The following BMPR1B variants were observed in gnomAD, a reference collection of about 807,000 sequenced individuals.
BMPR1B encodes the protein bone morphogenetic protein receptor type-1B.
BMPR1B carries 12 observed loss-of-function variants against 59.1 expected under a neutral mutation model. The observed-to-expected ratio is 0.20, with a 90% CI of 0.13 to 0.33. The LOEUF is 0.33. BMPR1B is among the 10% of genes least tolerant of loss of function. The probability of loss-of-function intolerance (pLI) is 1.00; values close to 1 mark genes in which losing one functional copy is unlikely to be tolerated. For synonymous variants in BMPR1B, 237 were observed against 207.3 expected, an observed-to-expected ratio of 1.14 and a Z score of -1.23; for missense variants, 550 against 610.9, an observed-to-expected ratio of 0.90 and a Z score of 1.05.
intron 3 of BMPR1B, among the ~76,000 whole-genome samples, chr4:95,078,920 G>A (rs1343123098): frequency 6.6e-6 from 1 of 151,986 alleles, no homozygotes; most frequent in Admixed American, 6.6e-5. Context: ...ACCACACCTG[G>A]TTAATTTTTG....
intron 3 of BMPR1B, among the ~76,000 whole-genome samples, chr4:95,100,688 C>A (rs1321242168): frequency 6.6e-6 from 1 of 152,100 alleles, no homozygotes; most frequent in Non-Finnish European, 1.5e-5. Flanking sequence ...GATGTTAAAT[C>A]TGGATTCATG....
chr4:94,833,365 T>C lies in BMPR1B; in HGVS notation c.-182-42466T>C, dbSNP rs1724677816. 2.0e-5 allele frequency among the ~76,000 whole-genome samples: 3 copies of C among 152,358 alleles called. No homozygotes were observed. In the South Asian group the frequency reaches 6.2e-4, roughly 32 times the overall value. On this transcript the variant is annotated intron_variant, in intron 1 of 12. Transcript: ENST00000515059. Reference sequence around the variant, plus strand: ...TTTGACCTTCAATAGCCTTTCATTATTCTTAGGGTAAAGACCAATATCCTT... The same window carrying C: ...TTTGACCTTCAATAGCCTTTCATTACTCTTAGGGTAAAGACCAATATCCTT...
chr4:94,817,891 A>G (rs1280045768), intron 1 of BMPR1B, among the ~76,000 whole-genome samples: 1 of 152,158 alleles, frequency 6.6e-6, no homozygotes, highest in Non-Finnish European at 1.5e-5. Flanking sequence ...CCTCAAACTC[A>G]TGTTGAGGTG....
chr4:95,148,807 C>T lies in BMPR1B; in HGVS notation c.1136C>T (p.Pro379Leu). ...NTRVGTKRYM[P>L]PEVLDESLNR... Reference sequence around the variant, plus strand: ...CGAGTTGGCACCAAACGCTATATGCCTCCAGAAGTGTTGGACGAGAGCTTG... The same window carrying T: ...CGAGTTGGCACCAAACGCTATATGCTTCCAGAAGTGTTGGACGAGAGCTTG... The change falls in exon 11 of 13, where the codon CCT (proline) becomes CTT (leucine). Residue 379 changes from proline (P) to leucine (L), a missense_variant. By Grantham distance (98) the Pro-to-Leu change is moderately conservative. Coordinates refer to ENST00000515059, the MANE Select transcript of BMPR1B (RefSeq NM_001203.3). The T allele has an allele frequency of 6.2e-7, 1 of 1,613,992 alleles. No individual in the cohort carries two copies. The highest frequency in any genetic ancestry group is 8.5e-7 in the Non-Finnish European group (1 of 1,179,946).
At chr4:94,893,395 A>G (rs1484333910) in intron 2 of BMPR1B, among the ~76,000 whole-genome samples, 1 of 151,992 alleles carries the variant, frequency 6.6e-6, no homozygotes, top group Non-Finnish European at 1.5e-5. Flanking sequence ...TTTAAATATT[A>G]GAAAGCAAAT....
intron 2 of BMPR1B, among the ~76,000 whole-genome samples, chr4:94,990,765 A>G (rs1721692200): frequency 6.6e-6 from 1 of 152,172 alleles, no homozygotes; most frequent in African/African-American, 2.4e-5. Context: ...ACATATGTAT[A>G]CATGTGCCAT....
At chr4:95,043,801 G>A (rs1725844895) in intron 3 of BMPR1B, among the ~76,000 whole-genome samples, 1 of 152,070 alleles carries the variant, frequency 6.6e-6, no homozygotes, top group Non-Finnish European at 1.5e-5. Flanking sequence ...GTGGGGAGGG[G>A]CAACAATAAA....
At chr4:95,122,140 C>T (rs1029768114) in intron 6 of BMPR1B, among the ~76,000 whole-genome samples, 1 of 152,026 alleles carries the variant, frequency 6.6e-6, no homozygotes, top group Non-Finnish European at 1.5e-5. Context: ...AGTTTGAGAC[C>T]AGCCGGGCCA....
At chr4:95,062,222 C>G (rs1727453431) in intron 3 of BMPR1B, among the ~76,000 whole-genome samples, 1 of 152,050 alleles carries the variant, frequency 6.6e-6, no homozygotes, top group African/African-American at 2.4e-5. Flanking sequence ...ACAAAACATT[C>G]CCTACCATCA....
rs138895006 is a variant in BMPR1B at position 95,032,980 on chromosome 4, A to C, written c.-18+36846A>C. On this transcript the variant is annotated intron_variant, in intron 3 of 12. Transcript: ENST00000515059. ...GCTCCAGTTTCTCCACATTCTTACC[A>C]ACACTTGTTATTTTGTGTTTTTGAT... 2.8e-4 allele frequency among the ~76,000 whole-genome samples: 43 copies of C among 152,240 alleles called. 1 individual carries two copies. The East Asian group carries it at 6.4e-3, about 23-fold the overall frequency.
chr4:94,882,805 A>G (rs1727026266), intron 2 of BMPR1B, among the ~76,000 whole-genome samples: 1 of 152,156 alleles, frequency 6.6e-6, no homozygotes, highest in Admixed American at 6.5e-5. Context: ...ATCAGTTTTC[A>G]TGGTTTCAAA....
intron 2 of BMPR1B, among the ~76,000 whole-genome samples, chr4:94,927,200 G>T (rs150534091): frequency 1.3e-5 from 2 of 152,082 alleles, no homozygotes; most frequent in East Asian, 3.9e-4. Context: ...CTTCAAACTC[G>T]TGCTAACATA....
chr4:94,786,900 G>T (rs1276040602), intron 1 of BMPR1B, among the ~76,000 whole-genome samples: 1 of 151,888 alleles, frequency 6.6e-6, no homozygotes, highest in Non-Finnish European at 1.5e-5. Flanking sequence ...TGTTGCCTAG[G>T]CTGGTTTTGA....
At chr4:95,055,899 T>C (rs1222342900) in intron 3 of BMPR1B, among the ~76,000 whole-genome samples, 1 of 152,224 alleles carries the variant, frequency 6.6e-6, no homozygotes, top group South Asian at 2.1e-4. Flanking sequence ...GTTTCTTTTT[T>C]CTCTGTAAGC....
chr4:95,115,921 A>G (rs1310155815), intron 6 of BMPR1B, 134 bp downstream of exon 6: 5 of 782,148 alleles, frequency 6.4e-6, no homozygotes, highest in African/African-American at 5.2e-5. Flanking sequence ...GCCAGATGAC[A>G]TGGAACCATC....
At chr4:94,849,615 T>C (rs1245885475) in intron 1 of BMPR1B, among the ~76,000 whole-genome samples, 2 of 152,088 alleles carry the variant, frequency 1.3e-5, no homozygotes, top group Non-Finnish European at 2.9e-5. Context: ...GCTGTAGTGC[T>C]GTGCTTGAGT....
intron 3 of BMPR1B, among the ~76,000 whole-genome samples, chr4:95,056,347 T>C (rs1385565629): frequency 5.3e-5 from 8 of 152,192 alleles, no homozygotes; most frequent in Non-Finnish European, 1.2e-4. Context: ...TTGGAAAATA[T>C]CTTTCCGGAT....
At chr4:95,060,552 A>G (rs186712270) in intron 3 of BMPR1B, among the ~76,000 whole-genome samples, 9 of 152,318 alleles carry the variant, frequency 5.9e-5, no homozygotes, top group Non-Finnish European at 1.2e-4. Context: ...CAAGAGTGAA[A>G]TGAAGTAGGA....
At chr4:95,071,652 G>GTATGTA (rs1553933808) in intron 3 of BMPR1B, among the ~76,000 whole-genome samples, 5 of 84,342 alleles carry the variant, frequency 5.9e-5, no homozygotes, top group African/African-American at 2.1e-4. Flanking sequence ...GTGTGTGTGT[G>GTATGTA]TATATATATA....
Sources: gnomAD v4.1 joint callset for allele counts (sites outside exome capture counted in the v4.1 genomes callset) on GRCh38, gnomAD v4.1.1 for gene constraint, MANE v1.5 for transcripts, NCBI Gene and HGNC (gene_info 2026-07-23, HGNC 2026-07-21) for gene names.